The following SLC1A3 variants were observed in gnomAD, a reference collection of about 807,000 sequenced individuals.
SLC1A3 encodes the protein excitatory amino acid transporter 1.
A neutral mutation model predicts 48.1 loss-of-function variants in SLC1A3; 21 were observed. The observed-to-expected ratio is 0.44, with a 90% CI of 0.31 to 0.63. The LOEUF (loss-of-function observed/expected upper bound fraction) is 0.63, where lower values mean the gene tolerates loss of function less well. Among genes scored for constraint, SLC1A3 ranks in the 20% least tolerant of loss-of-function variants. SLC1A3 has a pLI of 0.08. For missense variants in SLC1A3, 546 were observed against 689.0 expected (o/e 0.79, Z 2.32); for synonymous variants, 239 against 251.4 (o/e 0.95, Z 0.47).
chr5:36,604,705 G>A (rs3814067), upstream of SLC1A3, among the ~76,000 whole-genome samples: 36,988 of 151,792 alleles, frequency 0.24, 6,341 homozygotes, highest in African/African-American at 0.49. Flanking sequence ...AAAAAAAAGT[G>A]AAAAAGAAAG....
At chr5:36,660,044 C>G (rs1013572756) in intron 3 of SLC1A3, among the ~76,000 whole-genome samples, 1 of 152,180 alleles carries the variant, frequency 6.6e-6, no homozygotes, top group Non-Finnish European at 1.5e-5. Flanking sequence ...TTCTCTTTAA[C>G]AACAATGTCC....
intron 2 of SLC1A3, among the ~76,000 whole-genome samples, chr5:36,620,440 C>T (rs1314898105): frequency 6.6e-6 from 1 of 152,160 alleles, no homozygotes; most frequent in Non-Finnish European, 1.5e-5. Context: ...AGAGCAAAAT[C>T]ACATGGTTTT....
At chr5:36,627,769 C>T (rs1187535761) in intron 2 of SLC1A3, among the ~76,000 whole-genome samples, 1 of 152,190 alleles carries the variant, frequency 6.6e-6, no homozygotes, top group African/African-American at 2.4e-5. Context: ...CTTTGCTCTA[C>T]AGGAGAAGAG....
In SLC1A3 at chr5:36,687,224, C is replaced by T. The variant is rs1742686704; in HGVS notation, c.*955C>T. 6.6e-6 allele frequency: 1 copy of T among 151,432 alleles called. No homozygotes were observed. Among genetic ancestry groups the T allele is most frequent in the South Asian group, 2.1e-4 (1 of 4,832 alleles). The allele number at this position is 151,432 out of a possible 1,614,324, so 9.4% of individuals were successfully genotyped here. ...CCTACTCTGGGAAGAATGTCTCCTGCCACTCCTCAACTGATGATAGACTTC... is the reference window on the plus strand; with the variant it reads ...CCTACTCTGGGAAGAATGTCTCCTGTCACTCCTCAACTGATGATAGACTTC... On this transcript the variant is annotated 3_prime_UTR_variant, in exon 10 of 10. Transcript: ENST00000265113.
At chr5:36,622,912 T>TCA (rs1739738191) in intron 2 of SLC1A3, among the ~76,000 whole-genome samples, 2 of 148,432 alleles carry the variant, frequency 1.3e-5, no homozygotes, top group African/African-American at 5.0e-5. Context: ...CTCGGGAGGC[T>TCA]GAGGCAGGAG....
In SLC1A3 at chr5:36,622,464, G is replaced by C. The variant is rs573546288; in HGVS notation, c.182-6986G>C. 2.0e-5 allele frequency among the ~76,000 whole-genome samples: 3 copies of C among 152,234 alleles called. No homozygotes were observed. The South Asian group carries it at 6.2e-4, about 32-fold the overall frequency. ...TCCAACATTTACCAAAAGTTAAGTA[G>C]TATGATTTGGTCTGAAGTTTACTTC... On this transcript the variant is annotated intron_variant, in intron 2 of 9. Coordinates refer to ENST00000265113, the MANE Select transcript of SLC1A3 (RefSeq NM_004172.5).
chr5:36,627,947 T>C (rs1341443227), intron 2 of SLC1A3, among the ~76,000 whole-genome samples: 1 of 152,220 alleles, frequency 6.6e-6, no homozygotes, highest in Non-Finnish European at 1.5e-5. Flanking sequence ...CTCCTGGGGT[T>C]GTTGCAAGGA....
chr5:36,636,471 C>CTTTCTTTCT (rs1554041170), intron 3 of SLC1A3: 1 of 78,812 alleles, frequency 1.3e-5, no homozygotes, highest in East Asian at 3.1e-4. Flanking sequence ...TCTTTTCTTT[C>CTTTCTTTCT]TTTCTTTCTT....
chr5:36,642,051 A>C (rs923417832), intron 3 of SLC1A3, among the ~76,000 whole-genome samples: 1 of 152,246 alleles, frequency 6.6e-6, no homozygotes, highest in African/African-American at 2.4e-5. Flanking sequence ...AAAAGCTTAC[A>C]GTGAAAAAAT....
intron 3 of SLC1A3, among the ~76,000 whole-genome samples, chr5:36,659,665 T>C (rs1345116647): frequency 6.6e-6 from 1 of 152,152 alleles, no homozygotes; most frequent in Non-Finnish European, 1.5e-5. Context: ...TTCCTCCAAT[T>C]CCATTCCAAA....
intron 2 of SLC1A3, among the ~76,000 whole-genome samples, chr5:36,624,463 C>A (rs574827397): frequency 6.6e-6 from 1 of 152,182 alleles, no homozygotes; most frequent in African/African-American, 2.4e-5. Flanking sequence ...CCTACTGTGG[C>A]GCCAGCCTGC....
At chr5:36,597,015 GGTTT>G (rs1738749292) in intron 1 of SLC1A3, among the ~76,000 whole-genome samples, 1 of 151,908 alleles carries the variant, frequency 6.6e-6, no homozygotes, top group Admixed American at 6.6e-5. Context: ...TGGGTTTTTT[GGTTT>G]GTTTGGTTGG....
chr5:36,668,690 A>G (rs571998400), intron 3 of SLC1A3: 2 of 152,304 alleles, frequency 1.3e-5, no homozygotes, highest in Non-Finnish European at 2.9e-5. Context: ...TTGGGAAAAA[A>G]TGCCTTGATG....
At chr5:36,648,971 T>A (rs1740945546) in intron 3 of SLC1A3, among the ~76,000 whole-genome samples, 1 of 152,196 alleles carries the variant, frequency 6.6e-6, no homozygotes, top group Non-Finnish European at 1.5e-5. Flanking sequence ...ATAATTATAG[T>A]CCTTATGTAT....
At chr5:36,678,714 CT>C (rs1300641701) in intron 6 of SLC1A3, among the ~76,000 whole-genome samples, 1 of 152,158 alleles carries the variant, frequency 6.6e-6, no homozygotes, top group Non-Finnish European at 1.5e-5. Context: ...GCAGCGAGGC[CT>C]TTAAGCAAAC....
At position 36,629,707 on chromosome 5, in the gene SLC1A3, A is replaced by G. The variant is rs917013025; in HGVS notation, c.319+120A>G. The G allele has an allele frequency of 1.5e-5, 13 of 850,620 alleles. No individual in the cohort carries two copies. The African/African-American group carries it at 2.2e-4, about 14-fold the overall frequency. The allele number at this position is 850,620 out of a possible 1,614,324, so 52.7% of individuals were successfully genotyped here. A position where few individuals can be genotyped will look rare whatever the true frequency, so the allele number is the denominator to read the frequency against. ...ATGCATGCTCTGTTCTAGAAAAAAA[A>G]AAAAAGTCCCTTCAAAATGATGGAA... On this transcript the variant is annotated intron_variant, in intron 3 of 9. Coordinates refer to ENST00000265113, the MANE Select transcript of SLC1A3 (RefSeq NM_004172.5).
chr5:36,680,154 A>T (rs1742379788), intron 7 of SLC1A3, among the ~76,000 whole-genome samples: 1 of 152,188 alleles, frequency 6.6e-6, no homozygotes, highest in Admixed American at 6.5e-5. Flanking sequence ...GGCTGTCGTG[A>T]TGAGGGCATG....
intron 1 of SLC1A3, 87 bp from the exon 2 acceptor site, chr5:36,608,242 A>G (rs549228867): frequency 8.4e-6 from 5 of 596,820 alleles, no homozygotes; most frequent in Admixed American, 3.0e-5. Context: ...AGATTATGCA[A>G]TTTGCCAAGA....
At chr5:36,682,692 C>G (rs959643063) in intron 8 of SLC1A3, among the ~76,000 whole-genome samples, 1 of 152,124 alleles carries the variant, frequency 6.6e-6, no homozygotes, top group Non-Finnish European at 1.5e-5. Flanking sequence ...CCAGGTGGTC[C>G]GGGATGACTC....
Sources: allele counts gnomAD v4.1 joint callset (sites outside exome capture counted in the v4.1 genomes callset), GRCh38; gene constraint gnomAD v4.1.1; transcripts MANE v1.5; gene names NCBI Gene and HGNC (gene_info 2026-07-23, HGNC 2026-07-21).